The following PIP5K1B variants were observed in gnomAD, a reference collection of about 807,000 sequenced individuals.
PIP5K1B encodes phosphatidylinositol-4-phosphate 5-kinase type 1 beta, also known as phosphatidylinositol 4-phosphate 5-kinase type-1 beta.
Under a neutral mutation model 67.0 loss-of-function variants are expected in PIP5K1B, and 42 were observed. That is an observed-to-expected ratio of 0.63 (90% CI 0.49 to 0.81). The LOEUF (loss-of-function observed/expected upper bound fraction) is 0.81, where lower values mean the gene tolerates loss of function less well. Ranked by LOEUF, PIP5K1B falls within the 30% of genes least tolerant of loss-of-function variation. PIP5K1B has a pLI of 0.00. For missense variants in PIP5K1B, 459 were observed against 646.3 expected, an observed-to-expected ratio of 0.71 and a Z score of 3.14; for synonymous variants, 214 against 231.4, an observed-to-expected ratio of 0.92 and a Z score of 0.68.
intron 2 of PIP5K1B, among the ~76,000 whole-genome samples, chr9:68,797,658 C>A (rs1439308005): frequency 1.3e-5 from 2 of 152,090 alleles, no homozygotes; most frequent in Non-Finnish European, 2.9e-5. Context: ...TACTATTTTC[C>A]TGTCTTGGAT....
At chr9:68,897,495 T>G (rs925550676) in intron 8 of PIP5K1B, among the ~76,000 whole-genome samples, 1 of 152,200 alleles carries the variant, frequency 6.6e-6, no homozygotes, top group African/African-American at 2.4e-5. Context: ...GAAGCATATT[T>G]CTAGGATAAG....
At chr9:68,956,192 C>T (rs757447921) in intron 14 of PIP5K1B, among the ~76,000 whole-genome samples, 2 of 152,196 alleles carry the variant, frequency 1.3e-5, no homozygotes, top group Non-Finnish European at 2.9e-5. Flanking sequence ...TCCTATAGGC[C>T]GGGCAAGGTG....
At position 68,781,099 on chromosome 9, in the gene PIP5K1B, T is replaced by G. The variant is rs1320583247; in HGVS notation, c.-85-37362T>G. ...ATCTAGTTGGGGCAAACACTGAACT[T>G]TGTCAATTAATTTGAGGCTATTTCC... On this transcript the variant is annotated intron_variant, in intron 2 of 15. Coordinates refer to ENST00000265382, the MANE Select transcript of PIP5K1B (RefSeq NM_003558.4). 5.3e-6 allele frequency: 8 copies of G among 1,514,264 alleles called. No individual in the cohort carries two copies. The East Asian group carries it at 1.8e-4, about 34-fold the overall frequency. The allele number at this position is 1,514,264 out of a possible 1,614,324, so 93.8% of individuals were successfully genotyped here.
intron 1 of PIP5K1B, among the ~76,000 whole-genome samples, chr9:68,709,199 G>A (rs1827265521): frequency 6.6e-6 from 1 of 152,046 alleles, no homozygotes; most frequent in South Asian, 2.1e-4. Context: ...AAGTTTTCTT[G>A]CCCAAGCAGA....
At chr9:69,002,940 G>A (rs1244484752) in intron 15 of PIP5K1B, among the ~76,000 whole-genome samples, 3 of 152,174 alleles carry the variant, frequency 2.0e-5, no homozygotes, top group Non-Finnish European at 2.9e-5. Context: ...CCAAGATCAT[G>A]CTGTTGCTCT....
At chr9:68,988,296 C>T (rs952495460) in intron 14 of PIP5K1B, among the ~76,000 whole-genome samples, 11 of 151,126 alleles carry the variant, frequency 7.3e-5, no homozygotes, top group South Asian at 4.2e-4. Flanking sequence ...AAGACACTTC[C>T]GGAATATTCT....
intron 13 of PIP5K1B, 79 bp from the exon 14 acceptor site, chr9:68,940,567 A>T: frequency 3.1e-6 from 4 of 1,306,676 alleles, no homozygotes; most frequent in Non-Finnish European, 3.2e-6. Context: ...AATGCTTTTG[A>T]CTCATTTCAA....
intron 14 of PIP5K1B, among the ~76,000 whole-genome samples, chr9:68,971,667 A>G (rs1181127663): frequency 6.6e-6 from 1 of 152,216 alleles, no homozygotes; most frequent in Non-Finnish European, 1.5e-5. Flanking sequence ...TTGTTTCCTG[A>G]CATTTTAATG....
At chr9:68,781,156 T>A in intron 2 of PIP5K1B, 4 of 1,234,544 alleles carry the variant, frequency 3.2e-6, no homozygotes, top group Non-Finnish European at 4.5e-6. Flanking sequence ...TGAAATTCCC[T>A]GAAATGATGT....
At chr9:68,763,323 G>A (rs575165780) in intron 2 of PIP5K1B, among the ~76,000 whole-genome samples, 6 of 152,174 alleles carry the variant, frequency 3.9e-5, no homozygotes, top group African/African-American at 7.2e-5. Context: ...GAGGCAAAGC[G>A]TTTAACCTTC....
At chr9:68,786,462 T>TTTA (rs902823922) in intron 2 of PIP5K1B, among the ~76,000 whole-genome samples, 13 of 140,128 alleles carry the variant, frequency 9.3e-5, no homozygotes, top group Non-Finnish European at 2.0e-4. Flanking sequence ...TTTTGGTTTT[T>TTTA]TTATTATTAT....
At chr9:69,004,337 T>TTGTGTG (rs56680798) in intron 15 of PIP5K1B, among the ~76,000 whole-genome samples, 72 of 148,364 alleles carry the variant, frequency 4.9e-4, no homozygotes, top group Admixed American at 3.3e-3. Flanking sequence ...GTGTGTGTTT[T>TTGTGTG]TGTGTGTGTG....
intron 13 of PIP5K1B, 29 bp from the exon 14 acceptor site, chr9:68,940,617 A>G: frequency 6.2e-7 from 1 of 1,605,398 alleles, no homozygotes; most frequent in East Asian, 2.2e-5. Context: ...CTTGAGATTC[A>G]TGAATGTGTG....
intron 2 of PIP5K1B, among the ~76,000 whole-genome samples, chr9:68,759,706 G>A (rs934691622): frequency 6.3e-4 from 95 of 151,962 alleles, no homozygotes; most frequent in Admixed American, 6.0e-3. Flanking sequence ...GAAATGAGAT[G>A]TGCAGTAAGT....
intron 2 of PIP5K1B, among the ~76,000 whole-genome samples, chr9:68,777,557 G>T (rs1271789137): frequency 6.6e-6 from 1 of 152,158 alleles, no homozygotes; most frequent in African/African-American, 2.4e-5. Flanking sequence ...AATCATACAT[G>T]ACTCAGTCAA....
At chr9:68,991,890 C>G (rs1373174732) in intron 15 of PIP5K1B, among the ~76,000 whole-genome samples, 1 of 152,170 alleles carries the variant, frequency 6.6e-6, no homozygotes, top group Non-Finnish European at 1.5e-5. Context: ...CCCTGATGGG[C>G]TACACTGTAA....
At chr9:68,882,618 C>T (rs1824255560) in intron 6 of PIP5K1B, among the ~76,000 whole-genome samples, 1 of 152,032 alleles carries the variant, frequency 6.6e-6, no homozygotes, top group African/African-American at 2.4e-5. Flanking sequence ...TTCCGGATCA[C>T]CCCCTAATTT....
chr9:68,951,442 C>T (rs892604088), intron 14 of PIP5K1B, among the ~76,000 whole-genome samples: 25 of 152,188 alleles, frequency 1.6e-4, no homozygotes, highest in Admixed American at 1.2e-3. Flanking sequence ...GAGTGCATTT[C>T]AGTTGGTGTC....
chr9:68,814,179 T>A lies in PIP5K1B; in HGVS notation c.-85-4282T>A, dbSNP rs192231786. The stretch of plus-strand genomic sequence containing the variant: ...GGCATGCAGTAAGGCAGTCTTCCCT[T>A]CTTACAGGAGATCTGGGTAGCTCAT... On this transcript the variant is annotated intron_variant, in intron 2 of 15. Transcript: ENST00000265382. Among the ~76,000 whole-genome samples, 3 of 152,230 alleles carry A rather than the reference T, an allele frequency of 2.0e-5. No homozygotes were observed. The East Asian group carries it at 5.8e-4, about 29-fold the overall frequency.
Sources: gnomAD v4.1 joint callset for allele counts (sites outside exome capture counted in the v4.1 genomes callset) on GRCh38, gnomAD v4.1.1 for gene constraint, MANE v1.5 for transcripts, NCBI Gene and HGNC (gene_info 2026-07-23, HGNC 2026-07-21) for gene names.